RBFOX1: variants seen among roughly 807,000 people sequenced by gnomAD.
RBFOX1 encodes RNA binding protein fox-1 homolog 1.
A neutral mutation model predicts 57.7 loss-of-function variants in RBFOX1; 8 were observed. That is an observed-to-expected ratio of 0.14 (90% CI 0.08 to 0.25). RBFOX1 has a LOEUF of 0.25. Among genes scored for constraint, RBFOX1 ranks in the 10% least tolerant of loss-of-function variants. The probability of loss-of-function intolerance (pLI) is 1.00; values close to 1 mark genes in which losing one functional copy is unlikely to be tolerated. For missense variants in RBFOX1, 611 were observed against 548.5 expected (o/e 1.11, Z -1.14); for synonymous variants, 326 against 222.4 (o/e 1.47, Z -4.15).
intron 1 of RBFOX1, among the ~76,000 whole-genome samples, chr16:6,025,423 G>A (rs2095171276): frequency 1.3e-5 from 2 of 152,206 alleles, no homozygotes; most frequent in South Asian, 4.1e-4. Flanking sequence ...GGAAGACCCT[G>A]GGAGGATACA....
chr16:7,652,284 T>C (rs902891926), intron 11 of RBFOX1, among the ~76,000 whole-genome samples: 1 of 152,212 alleles, frequency 6.6e-6, no homozygotes, highest in East Asian at 1.9e-4. Context: ...GAATCCCAGA[T>C]AGAGGAAACA....
At chr16:6,609,242 C>T (rs1473513725) in intron 2 of RBFOX1, among the ~76,000 whole-genome samples, 5 of 152,188 alleles carry the variant, frequency 3.3e-5, no homozygotes, top group Non-Finnish European at 1.5e-5. Flanking sequence ...GTTGGGATTA[C>T]TGGGAAGATG....
rs140148899 is a variant in RBFOX1 at position 5,475,493 on chromosome 16, C to A, written c.258+8239C>A. On this transcript the variant is annotated intron_variant, in intron 2 of 2. Coordinates refer to the RBFOX1 transcript ENST00000585867. ...ATTTTTCTGCACCTTCTTCCAACCTCTTCCCAGGCATTGTCAACTATAATT... is the reference window on the plus strand; with the variant it reads ...ATTTTTCTGCACCTTCTTCCAACCTATTCCCAGGCATTGTCAACTATAATT... Among the ~76,000 whole-genome samples, 766 of 152,322 alleles carry A rather than the reference C, an allele frequency of 5.0e-3. 3 individuals carry two copies. The highest frequency in any genetic ancestry group is 0.017 in the African/African-American group (723 of 41,574).
At chr16:7,237,899 G>A (rs1017601390) in intron 4 of RBFOX1, among the ~76,000 whole-genome samples, 1 of 152,188 alleles carries the variant, frequency 6.6e-6, no homozygotes, top group Non-Finnish European at 1.5e-5. Flanking sequence ...AGCTACTCAG[G>A]AGGCTGAAGC....
intron 1 of RBFOX1, among the ~76,000 whole-genome samples, chr16:5,258,538 G>C (rs570755775): frequency 6.6e-6 from 1 of 151,976 alleles, no homozygotes; most frequent in African/African-American, 2.4e-5. Context: ...TTTTCTTTGA[G>C]CAAAGATAAT....
At chr16:5,846,906 C>T (rs1470649426) in intron 3 of RBFOX1, among the ~76,000 whole-genome samples, 9 of 152,170 alleles carry the variant, frequency 5.9e-5, no homozygotes, top group Admixed American at 2.6e-4. Context: ...GCACATAAAC[C>T]GCATTATTAG....
chr16:7,330,506 GTGTT>G (rs71147687), intron 4 of RBFOX1, among the ~76,000 whole-genome samples: 1,992 of 80,162 alleles, frequency 0.025, 48 homozygotes, highest in African/African-American at 0.062. Context: ...GTGTGTGTGT[GTGTT>G]TGTGTGTGTG....
chr16:6,717,123 A>G (rs2064990238), intron 3 of RBFOX1, among the ~76,000 whole-genome samples: 1 of 152,030 alleles, frequency 6.6e-6, no homozygotes. Flanking sequence ...GGATTCCTAG[A>G]CTCTAGAACC....
chr16:7,416,300 ACT>A, intron 4 of RBFOX1, among the ~76,000 whole-genome samples: 1 of 152,048 alleles, frequency 6.6e-6, no homozygotes. Flanking sequence ...GAATCCAGAG[ACT>A]CTGAGCTTAC....
chr16:7,410,545 G>T (rs948560394), intron 4 of RBFOX1, among the ~76,000 whole-genome samples: 3 of 152,166 alleles, frequency 2.0e-5, no homozygotes, highest in African/African-American at 7.2e-5. Context: ...GCTGGGAGTG[G>T]TGGTGCGTGC....
chr16:7,420,203 A>C (rs1189503876), intron 4 of RBFOX1, among the ~76,000 whole-genome samples: 2 of 152,138 alleles, frequency 1.3e-5, no homozygotes, highest in Non-Finnish European at 2.9e-5. Context: ...CAGATGGGGC[A>C]CATGACCTAT....
chr16:7,706,835 G>C (rs1245474322), intron 14 of RBFOX1, among the ~76,000 whole-genome samples: 3 of 152,164 alleles, frequency 2.0e-5, no homozygotes. Context: ...TTTTATGCCT[G>C]TTACTATGTA....
chr16:6,743,048 A>C (rs1435893099), intron 3 of RBFOX1, among the ~76,000 whole-genome samples: 1 of 152,184 alleles, frequency 6.6e-6, no homozygotes, highest in Non-Finnish European at 1.5e-5. Flanking sequence ...CACTAGCAGG[A>C]TAGGGAAACA....
intron 2 of RBFOX1, among the ~76,000 whole-genome samples, chr16:5,578,595 G>A (rs2046548118): frequency 6.6e-6 from 1 of 152,142 alleles, no homozygotes; most frequent in Non-Finnish European, 1.5e-5. Flanking sequence ...AGTGACTCCT[G>A]GCATGGGAGA....
intron 1 of RBFOX1, among the ~76,000 whole-genome samples, chr16:5,268,658 T>C (rs2086763656): frequency 6.6e-6 from 1 of 152,240 alleles, no homozygotes; most frequent in Non-Finnish European, 1.5e-5. Flanking sequence ...CCAGTCAATG[T>C]GCCCTCATGG....
At chr16:7,429,760 A>G (rs1275020693) in intron 4 of RBFOX1, among the ~76,000 whole-genome samples, 1 of 152,220 alleles carries the variant, frequency 6.6e-6, no homozygotes, top group East Asian at 1.9e-4. Context: ...TATCACTCAG[A>G]TATTTCTTTC....
At chr16:6,038,092 C>T (rs958504813) in intron 1 of RBFOX1, 39 of 152,042 alleles carry the variant, frequency 2.6e-4, no homozygotes, top group African/African-American at 7.7e-4. Context: ...GGATTGACTC[C>T]GCAAACCATA....
chr16:5,286,411 G>T (rs964988604), intron 1 of RBFOX1, among the ~76,000 whole-genome samples: 1 of 152,188 alleles, frequency 6.6e-6, no homozygotes, highest in Non-Finnish European at 1.5e-5. Context: ...AGGCCTCTCA[G>T]TAGTAAGTGT....
In RBFOX1 at chr16:7,195,224, G is replaced by A. The variant is rs575521144; in HGVS notation, c.27+143126G>A. 9.1e-4 allele frequency among the ~76,000 whole-genome samples: 138 copies of A among 152,276 alleles called. 1 individual carries two copies. Among genetic ancestry groups the A allele is most frequent in the Non-Finnish European group, 1.5e-3 (100 of 68,028 alleles). On this transcript the variant is annotated intron_variant, in intron 4 of 15. Coordinates refer to ENST00000550418, the MANE Select transcript of RBFOX1 (RefSeq NM_018723.4). ...TTCATGGACTGAGTTTCCCAGAATA[G>A]CCTTATATTTGGTGATAATGTCTCT... is the stretch of plus-strand genomic sequence containing the variant.
Sources: allele counts gnomAD v4.1 joint callset (sites outside exome capture counted in the v4.1 genomes callset), GRCh38; gene constraint gnomAD v4.1.1; transcripts MANE v1.5; gene names NCBI Gene and HGNC (gene_info 2026-07-23, HGNC 2026-07-21).